The following SCN10A variants were observed in gnomAD, a reference collection of about 807,000 sequenced individuals.
SCN10A encodes sodium voltage-gated channel alpha subunit 10, also known as sodium channel protein type 10 subunit alpha.
Under a neutral mutation model 170.7 loss-of-function variants are expected in SCN10A, and 162 were observed. That is an observed-to-expected ratio of 0.95 (90% CI 0.84 to 1.08). SCN10A has a LOEUF of 1.08. Among genes scored for constraint, SCN10A ranks in the 50% least tolerant of loss-of-function variants. The pLI is 0.00. For missense variants in SCN10A, 2,527 were observed against 2,436.9 expected, an observed-to-expected ratio of 1.04 and a Z score of -0.78; for synonymous variants, 985 against 904.6, an observed-to-expected ratio of 1.09 and a Z score of -1.59.
At chr3:38,729,984 C>T (rs2063498537) in intron 15 of SCN10A, among the ~76,000 whole-genome samples, 1 of 152,224 alleles carries the variant, frequency 6.6e-6, no homozygotes, top group Non-Finnish European at 1.5e-5. Flanking sequence ...TTACTCTCCT[C>T]ATATGGGAAG....
intron 4 of SCN10A, among the ~76,000 whole-genome samples, chr3:38,772,693 A>G (rs1466304670): frequency 1.4e-5 from 2 of 141,984 alleles, no homozygotes; most frequent in Non-Finnish European, 3.0e-5. Flanking sequence ...CGTCTCCAAA[A>G]CAACAACAAC....
chr3:38,697,689 G>T lies in SCN10A; in HGVS notation c.5531C>A (p.Thr1844Asn), dbSNP rs751593824. Residue 1844 changes from threonine to asparagine, a missense_variant, in exon 28 of 28, where the codon ACC (threonine) becomes AAC (asparagine). Physicochemically the swap from Thr to Asn is moderately conservative, Grantham distance 65. Transcript: ENST00000449082. ...LSKSSYEPIATTLRWKQEDIS... is the reference protein window; with the variant it reads ...LSKSSYEPIANTLRWKQEDIS... ...GTCTTCTTGCTTCCATCGGAGAGTG[G>T]TTGCTATTGGTTCATAGGATGATTT... 6.2e-6 allele frequency: 10 copies of T among 1,614,104 alleles called. No homozygotes were observed. The highest frequency in any genetic ancestry group is 2.5e-6 in the Non-Finnish European group (3 of 1,180,020).
chr3:38,755,749 T>G (rs763393390), intron 11 of SCN10A, 39 bp downstream of exon 11: 2 of 1,608,804 alleles, frequency 1.2e-6, no homozygotes, highest in African/African-American at 2.7e-5. Flanking sequence ...GCAGCTGCAA[T>G]GGTGGGTAAT....
chr3:38,798,761 A>G (rs1246930821), intron 1 of SCN10A, among the ~76,000 whole-genome samples: 4 of 145,864 alleles, frequency 2.7e-5, no homozygotes, highest in African/African-American at 1.0e-4. Flanking sequence ...ATGAACCAAC[A>G]GCGATATTTG....
intron 1 of SCN10A, among the ~76,000 whole-genome samples, chr3:38,808,068 G>A (rs111267437): frequency 0.017 from 2,620 of 152,178 alleles, 30 homozygotes; most frequent in Middle Eastern, 0.068. Context: ...CATTCACCCC[G>A]TGTGAATGTC....
chr3:38,737,771 T>TTC (rs1265835446), intron 15 of SCN10A, among the ~76,000 whole-genome samples: 26 of 88,550 alleles, frequency 2.9e-4, no homozygotes, highest in South Asian at 5.1e-4. Flanking sequence ...CCTCCCTCCC[T>TTC]CTCTCTCTCC....
chr3:38,810,852 T>C (rs2064437079), intron 1 of SCN10A, among the ~76,000 whole-genome samples: 1 of 152,246 alleles, frequency 6.6e-6, no homozygotes, highest in Non-Finnish European at 1.5e-5. Context: ...TTTGCAAACA[T>C]TGTAGCATAT....
chr3:38,705,417 G>C (rs552135679), intron 26 of SCN10A, among the ~76,000 whole-genome samples: 1 of 152,268 alleles, frequency 6.6e-6, no homozygotes, highest in African/African-American at 2.4e-5. Context: ...GTCTCCCCCT[G>C]TGCCATCCTC....
At chr3:38,752,187 C>T in intron 12 of SCN10A, 32 bp downstream of exon 12, 1 of 1,475,548 alleles carries the variant, frequency 6.8e-7, no homozygotes, top group South Asian at 1.4e-5. Context: ...TGGAAGACAG[C>T]CTGAGGGAGT....
At chr3:38,809,345 C>T (rs1345675827) in intron 1 of SCN10A, among the ~76,000 whole-genome samples, 2 of 152,222 alleles carry the variant, frequency 1.3e-5, no homozygotes, top group Non-Finnish European at 2.9e-5. Context: ...TTCTTGACTT[C>T]AATCAAATGT....
chr3:38,756,085 G>T, intron 10 of SCN10A, 127 bp from the exon 11 acceptor site: 1 of 987,862 alleles, frequency 1.0e-6, no homozygotes, highest in South Asian at 1.5e-5. Context: ...TAGGACCAGG[G>T]TGGTGGTGGG....
intron 1 of SCN10A, among the ~76,000 whole-genome samples, chr3:38,807,305 T>C (rs1309532360): frequency 6.6e-6 from 1 of 152,148 alleles, no homozygotes; most frequent in African/African-American, 2.4e-5. Context: ...GATGCTGAGG[T>C]CACAGGTTTA....
intron 4 of SCN10A, among the ~76,000 whole-genome samples, chr3:38,774,784 G>C (rs565843348): frequency 3.3e-5 from 5 of 152,334 alleles, no homozygotes; most frequent in Admixed American, 6.5e-5. Context: ...CAGTGTGGGA[G>C]AGCAGCCTCT....
intron 15 of SCN10A, among the ~76,000 whole-genome samples, chr3:38,733,257 A>C (rs1341211380): frequency 6.6e-6 from 1 of 152,116 alleles, no homozygotes; most frequent in African/African-American, 2.4e-5. Context: ...CAAACTTTGA[A>C]GTTATATTGG....
chr3:38,718,976 G>T, intron 20 of SCN10A, 150 bp from the exon 21 acceptor site: 1 of 696,158 alleles, frequency 1.4e-6, no homozygotes, highest in Non-Finnish European at 2.3e-6. Context: ...GTTTGCTGTG[G>T]GGAGGTAAAG....
At chr3:38,744,880 T>C (rs916645446) in intron 13 of SCN10A, among the ~76,000 whole-genome samples, 95 of 152,254 alleles carry the variant, frequency 6.2e-4, no homozygotes, top group African/African-American at 2.1e-3. Flanking sequence ...TCAGACTATT[T>C]ATTTTCACTG....
chr3:38,706,354 G>A (rs1172360975), intron 26 of SCN10A, among the ~76,000 whole-genome samples: 1 of 152,204 alleles, frequency 6.6e-6, no homozygotes, highest in Non-Finnish European at 1.5e-5. Context: ...CTTTTCCCTT[G>A]TGTGGGGAAG....
rs543646551 is a variant in SCN10A, at chr3:38,725,052, A to C, written c.3228+122T>G. 1.2e-5 allele frequency: 10 copies of C among 843,928 alleles called. No homozygotes were observed. The South Asian group carries it at 3.1e-4, about 27-fold the overall frequency. The allele number at this position is 843,928 out of a possible 1,614,324, so 52.3% of individuals were successfully genotyped here. A position where few individuals can be genotyped will look rare whatever the true frequency, so the allele number is the denominator to read the frequency against. Reference sequence around the variant, plus strand: ...TTAAAAATTCCCAGGATAAGAAATGAGGTTATGTGATTGAGTGCAGTCTGG... The same window carrying C: ...TTAAAAATTCCCAGGATAAGAAATGCGGTTATGTGATTGAGTGCAGTCTGG... On this transcript the variant is annotated intron_variant, in intron 18 of 27. Coordinates refer to ENST00000449082, the MANE Select transcript of SCN10A (RefSeq NM_006514.4).
intron 13 of SCN10A, among the ~76,000 whole-genome samples, chr3:38,745,637 C>A (rs986336749): frequency 6.6e-6 from 1 of 152,078 alleles, no homozygotes. Flanking sequence ...GCTCTTTAAG[C>A]CCCTTCAATA....
Sources: allele counts gnomAD v4.1 joint callset (sites outside exome capture counted in the v4.1 genomes callset), GRCh38; gene constraint gnomAD v4.1.1; transcripts MANE v1.5; gene names NCBI Gene and HGNC (gene_info 2026-07-23, HGNC 2026-07-21).